The following ITPR2 variants were observed in gnomAD, a reference collection of about 807,000 sequenced individuals.
ITPR2 encodes inositol 1,4,5-trisphosphate receptor type 2, also known as inositol 1,4,5-trisphosphate-gated calcium channel ITPR2.
In ITPR2, 207 loss-of-function variants were observed where a neutral mutation model predicts 317.1. The ratio of observed to expected loss-of-function variants is 0.65; its 90% CI spans 0.58 to 0.73. The LOEUF is 0.73. Among genes scored for constraint, ITPR2 ranks in the 30% least tolerant of loss-of-function variants. ITPR2 has a pLI of 0.00. For synonymous variants in ITPR2, 1,156 were observed against 1,149.1 expected (o/e 1.01, Z -0.12); for missense variants, 2,613 against 3,284.0 (o/e 0.80, Z 4.99).
chr12:26,368,350 A>G (rs1030758443), intron 55 of ITPR2, among the ~76,000 whole-genome samples: 2 of 152,216 alleles, frequency 1.3e-5, no homozygotes, highest in Non-Finnish European at 1.5e-5. Context: ...GGTCTATCTT[A>G]GATCTGTTGG....
At chr12:26,673,064 C>T (rs966635121) in intron 13 of ITPR2, among the ~76,000 whole-genome samples, 2 of 152,162 alleles carry the variant, frequency 1.3e-5, no homozygotes, top group African/African-American at 2.4e-5. Context: ...AGCTTACCAA[C>T]CAAAAAGAGT....
At chr12:26,779,696 C>T (rs1310016551) in intron 2 of ITPR2, among the ~76,000 whole-genome samples, 2 of 152,192 alleles carry the variant, frequency 1.3e-5, no homozygotes, top group Non-Finnish European at 1.5e-5. Flanking sequence ...CTTTCTAGGA[C>T]ATCCATGAAG....
At chr12:26,454,755 A>T (rs1403396638) in intron 45 of ITPR2, among the ~76,000 whole-genome samples, 2 of 152,102 alleles carry the variant, frequency 1.3e-5, no homozygotes, top group African/African-American at 2.4e-5. Context: ...GGGGTGGCTT[A>T]TGATGGACAC....
At chr12:26,752,269 T>C (rs931960372) in intron 2 of ITPR2, among the ~76,000 whole-genome samples, 5 of 152,150 alleles carry the variant, frequency 3.3e-5, no homozygotes, top group Non-Finnish European at 7.4e-5. Flanking sequence ...CCAGAGCAAC[T>C]CCATCTTGAA....
chr12:26,666,424 G>C (rs1012007055), intron 13 of ITPR2, among the ~76,000 whole-genome samples: 1 of 152,098 alleles, frequency 6.6e-6, no homozygotes, highest in African/African-American at 2.4e-5. Flanking sequence ...CATGTGAGTC[G>C]CAACTGCACA....
At chr12:26,452,062 G>T (rs1370423624) in intron 45 of ITPR2, among the ~76,000 whole-genome samples, 1 of 151,978 alleles carries the variant, frequency 6.6e-6, no homozygotes. Flanking sequence ...TCTCTGGCCC[G>T]ACCTCAAGCC....
chr12:26,763,552 G>A (rs143926700), intron 2 of ITPR2, among the ~76,000 whole-genome samples: 46 of 152,198 alleles, frequency 3.0e-4, no homozygotes, highest in Admixed American at 4.6e-4. Context: ...GTGGTGAAAC[G>A]GGGGCTTCTA....
Position 26,772,951 on chromosome 12 carries a change from G to A in ITPR2, c.163+17206C>T, listed in dbSNP as rs546223983. Among the ~76,000 whole-genome samples the A allele has an allele frequency of 9.9e-5, 15 of 151,816 alleles. No individual in the cohort carries two copies. The South Asian group carries it at 2.7e-3, about 28-fold the overall frequency. On this transcript the variant is annotated intron_variant, in intron 2 of 56. Transcript: ENST00000381340. The stretch of plus-strand genomic sequence containing the variant: ...CCCAGTATGTGATTTTCCCCTCCGT[G>A]TGTCCATGTGTTCTCATTGTTCAAC...
intron 33 of ITPR2, among the ~76,000 whole-genome samples, chr12:26,579,040 T>C (rs1277633453): frequency 2.0e-5 from 3 of 152,192 alleles, no homozygotes; most frequent in Non-Finnish European, 4.4e-5. Flanking sequence ...TATAGGGGAT[T>C]GATTATTTTC....
chr12:26,349,138 T>A (rs7967794), intron 55 of ITPR2, among the ~76,000 whole-genome samples: 148,536 of 152,288 alleles, frequency 0.98, 72,553 homozygotes, highest in Non-Finnish European at 1. Context: ...ACACACAGAG[T>A]CCCTGTCTCT....
intron 55 of ITPR2, among the ~76,000 whole-genome samples, chr12:26,380,173 G>A (rs1188183252): frequency 1.3e-5 from 2 of 152,168 alleles, no homozygotes; most frequent in Non-Finnish European, 2.9e-5. Context: ...TCCTTAAGAT[G>A]AAGTCTTCTT....
chr12:26,489,492 C>A (rs1351738386), intron 39 of ITPR2, among the ~76,000 whole-genome samples: 1 of 152,222 alleles, frequency 6.6e-6, no homozygotes, highest in Non-Finnish European at 1.5e-5. Context: ...ATCTCTATCT[C>A]TAACTAGCGA....
At chr12:26,641,363 A>G (rs577055863) in intron 21 of ITPR2, among the ~76,000 whole-genome samples, 5 of 152,238 alleles carry the variant, frequency 3.3e-5, no homozygotes, top group South Asian at 4.1e-4. Flanking sequence ...AGTAGAAAAG[A>G]GTCTTTGCAC....
In ITPR2 at chr12:26,387,423, T is replaced by G. The variant is rs780754937; in HGVS notation, c.7857+11A>C. On this transcript the variant is annotated intron_variant, in intron 55 of 56. Transcript: ENST00000381340. ...AATATAGTCACAAATTAAAACCTTC[T>G]GGTCACTCACCACAATCATTTGAGC... 1 of 1,612,574 alleles carries G rather than the reference T, an allele frequency of 6.2e-7. No homozygotes were observed. Among genetic ancestry groups the G allele is most frequent in the South Asian group, 1.1e-5 (1 of 90,948 alleles).
intron 4 of ITPR2, among the ~76,000 whole-genome samples, chr12:26,724,257 C>G (rs2137048067): frequency 6.6e-6 from 1 of 152,246 alleles, no homozygotes; most frequent in South Asian, 2.1e-4. Flanking sequence ...CTTCTAATAA[C>G]AATTCAAGGA....
Position 26,624,408 on chromosome 12 carries a change from C to T in ITPR2, c.3065-52G>A, listed in dbSNP as rs1946572486. On this transcript the variant is annotated intron_variant, in intron 23 of 56. Coordinates refer to ENST00000381340, the MANE Select transcript of ITPR2 (RefSeq NM_002223.4). ...TCTTTATCCTATTTTAATTAGGAGC[C>T]ATAATAGTCATATTAATATCAATTG... The T allele has an allele frequency of 4.2e-6, 5 of 1,201,104 alleles. No homozygotes were observed. The Middle Eastern group carries it at 5.9e-4, about 141-fold the overall frequency. 74.4% of individuals were successfully genotyped at this position (1,201,104 alleles called of 1,614,324 possible).
At chr12:26,355,776 C>A (rs1938620248) in intron 55 of ITPR2, among the ~76,000 whole-genome samples, 1 of 152,254 alleles carries the variant, frequency 6.6e-6, no homozygotes, top group South Asian at 2.1e-4. Context: ...GGTCTCTGAG[C>A]TTTCCAAAAA....
intron 2 of ITPR2, among the ~76,000 whole-genome samples, chr12:26,782,954 G>A (rs756725543): frequency 2.6e-5 from 4 of 152,130 alleles, no homozygotes; most frequent in Non-Finnish European, 4.4e-5. Flanking sequence ...TGACATGTTC[G>A]ACTGCATAAA....
chr12:26,477,241 G>A (rs1030055530), intron 43 of ITPR2, among the ~76,000 whole-genome samples: 5 of 151,834 alleles, frequency 3.3e-5, no homozygotes, highest in African/African-American at 4.8e-5. Flanking sequence ...TTTAAATATT[G>A]GTGAAAAGGT....
Sources: gnomAD v4.1 joint callset for allele counts (sites outside exome capture counted in the v4.1 genomes callset) on GRCh38, gnomAD v4.1.1 for gene constraint, MANE v1.5 for transcripts, NCBI Gene and HGNC (gene_info 2026-07-23, HGNC 2026-07-21) for gene names.